Variants in SF3B6 observed in about 807,000 individuals in gnomAD.
The protein encoded by SF3B6 is splicing factor 3b subunit 6, also known as SF3b 14 kDa subunit.
A neutral mutation model predicts 15.9 loss-of-function variants in SF3B6; 3 were observed. The observed-to-expected ratio is 0.19, with a 90% CI of 0.09 to 0.49. SF3B6 has a LOEUF of 0.49. Ranked by LOEUF, SF3B6 falls within the 20% of genes least tolerant of loss-of-function variation. The probability of loss-of-function intolerance (pLI) is 0.97; values close to 1 mark genes in which losing one functional copy is unlikely to be tolerated. For synonymous variants in SF3B6, 49 were observed against 51.1 expected, an observed-to-expected ratio of 0.96 and a Z score of 0.18; for missense variants, 71 against 154.3, an observed-to-expected ratio of 0.46 and a Z score of 2.86.
intron 1 of SF3B6, among the ~76,000 whole-genome samples, chr2:24,075,795 T>A (rs1664733830): frequency 6.6e-6 from 1 of 152,066 alleles, no homozygotes; most frequent in South Asian, 2.1e-4. Flanking sequence ...ATTAATGTGT[T>A]AATGAAGGAT....
chr2:24,070,372 G>A (rs1439541367), intron 2 of SF3B6, among the ~76,000 whole-genome samples: 2 of 152,108 alleles, frequency 1.3e-5, no homozygotes, highest in African/African-American at 2.4e-5. Context: ...TCGAACTCCT[G>A]GCCTCAAGTG....
chr2:24,073,612 A>G (rs1664688949), intron 2 of SF3B6: 1 of 152,402 alleles, frequency 6.6e-6, no homozygotes, highest in South Asian at 2.1e-4. Flanking sequence ...GCTGTAGTTG[A>G]AAATATCATT....
rs752100572 is a variant in SF3B6 at position 24,068,449 on chromosome 2, G to A, written c.160C>T (p.Pro54Ser). 31 of 1,612,128 alleles carry A rather than the reference G, an allele frequency of 1.9e-5. No homozygotes were observed. Among genetic ancestry groups the A allele is most frequent in the Middle Eastern group, 3.3e-4 (2 of 6,072 alleles). The change falls in exon 3 of 4, where the codon CCT (proline) becomes TCT (serine). Residue 54 changes from proline (P) to serine (S), a missense_variant. Physicochemically the swap from Pro to Ser is moderately conservative, Grantham distance 74. This residue lies in a region of SF3B6 where 52 missense variants were observed against 113.2 expected (regional missense o/e 0.46). Coordinates refer to ENST00000233468, the MANE Select transcript of SF3B6 (RefSeq NM_016047.4). ...PIRQIRVGNT[P>S]ETRGTAYVVY... is the part of the protein sequence containing the mutation. ...ACATAAGCTGTTCCTCTAGTTTCAG[G>A]TGTGTTCCCCCTGGAGAGGTAAGTT...
Position 24,071,282 on chromosome 2 carries a change from C to T in SF3B6, c.149+2794G>A, listed in dbSNP as rs375818640. ...CTGGCATTACAGGCGTGAGCCACTG[C>T]GCCCAGCCCTGAAATAATTATAAAT... On this transcript the variant is annotated intron_variant, in intron 2 of 3. Transcript: ENST00000233468. Among the ~76,000 whole-genome samples the T allele has an allele frequency of 7.1e-3, 1,086 of 152,312 alleles. 8 individuals carry two copies. Among genetic ancestry groups the T allele is most frequent in the African/African-American group, 0.025 (1,047 of 41,574 alleles).
chr2:24,072,052 G>A (rs1011266991), intron 2 of SF3B6, among the ~76,000 whole-genome samples: 7 of 151,926 alleles, frequency 4.6e-5, no homozygotes, highest in East Asian at 1.9e-4. Flanking sequence ...GCATGATCTC[G>A]GCTCACTCAC....
chr2:24,067,873 A>G, intron 3 of SF3B6, 22 bp from the exon 4 acceptor site: 1 of 1,597,710 alleles, frequency 6.3e-7, no homozygotes, highest in African/African-American at 1.3e-5. Flanking sequence ...GTAAGCACCA[A>G]AATTAAATTA....
chr2:24,071,016 G>A (rs538502359), intron 2 of SF3B6, among the ~76,000 whole-genome samples: 14 of 151,790 alleles, frequency 9.2e-5, no homozygotes, highest in South Asian at 6.2e-4. Flanking sequence ...TTTTTGAGAC[G>A]GAGTCGCACT....
At chr2:24,074,289 C>A (rs1664699317) in intron 1 of SF3B6, 95 bp from the exon 2 acceptor site, 1 of 622,688 alleles carries the variant, frequency 1.6e-6, no homozygotes, top group Non-Finnish European at 2.8e-6. Flanking sequence ...TTAAAAAATT[C>A]TTAATGATAC....
intron 1 of SF3B6, among the ~76,000 whole-genome samples, chr2:24,074,634 C>T (rs1033346395): frequency 6.6e-6 from 1 of 152,206 alleles, no homozygotes; most frequent in African/African-American, 2.4e-5. Flanking sequence ...ATTCTTGTTT[C>T]TTGGAGAAAA....
rs752801238 is a variant in SF3B6, at chr2:24,067,789, A to G, written c.351T>C (p.Tyr117=). 1.9e-6 allele frequency: 3 copies of G among 1,614,070 alleles called. No individual in the cohort carries two copies. Among genetic ancestry groups the G allele is most frequent in the Non-Finnish European group, 2.5e-6 (3 of 1,179,954 alleles). Residue 117 remains tyrosine (Y), a synonymous_variant, in exon 4 of 4, where the codon TAT becomes TAC. Coordinates refer to ENST00000233468, the MANE Select transcript of SF3B6 (RefSeq NM_016047.4). ...ATTTTGGTGGATCTGTGTTGATGCC[A>G]TATTTCTCCTTGAGAAGCTTCAACT... ...EEQLKLLKEK[Y]GINTDPPK is the part of the protein sequence containing the mutation.
chr2:24,071,323 G>A (rs1057149805), intron 2 of SF3B6, among the ~76,000 whole-genome samples: 15 of 152,178 alleles, frequency 9.9e-5, no homozygotes, highest in Non-Finnish European at 5.9e-5. Context: ...GAAATGTTTC[G>A]GCTTGGCACG....
Position 24,074,131 on chromosome 2 carries a change from C to G in SF3B6, c.94G>C (p.Ala32Pro). 1 of 1,610,726 alleles carries G rather than the reference C, an allele frequency of 6.2e-7. No homozygotes were observed. The highest frequency in any genetic ancestry group is 1.1e-5 in the South Asian group (1 of 90,690). ...YIRNLPYKITAEEMYDIFGKY... is the reference protein window; with the variant it reads ...YIRNLPYKITPEEMYDIFGKY... ...CCAAATATATCATACATTTCTTCAG[C>G]TGTGATTTTGTATGGCAAATTTCTT... Residue 32 changes from alanine (A) to proline (P), a missense_variant, in exon 2 of 4, where the codon GCT becomes CCT. Coordinates refer to ENST00000233468, the MANE Select transcript of SF3B6 (RefSeq NM_016047.4).
intron 2 of SF3B6, among the ~76,000 whole-genome samples, chr2:24,071,021 C>T (rs10189443): frequency 0.12 from 18,136 of 151,868 alleles, 1,261 homozygotes; most frequent in South Asian, 0.18. Flanking sequence ...GAGACGGAGT[C>T]GCACTCTGTC....
rs1034577765 is a variant in SF3B6, at chr2:24,067,621, A to G, written c.*141T>C. The G allele has an allele frequency of 6.1e-6, 4 of 651,818 alleles. No individual in the cohort carries two copies. The highest frequency in any genetic ancestry group is 1.1e-5 in the Non-Finnish European group (4 of 379,114). The allele number at this position is 651,818 out of a possible 1,614,324, so 40.4% of individuals were successfully genotyped here. The stretch of plus-strand genomic sequence containing the variant: ...AGCTACAAGTTTATTAACATAATGT[A>G]TTCCAATATGTATCAAAGTTTCAAG... On this transcript the variant is annotated 3_prime_UTR_variant, in exon 4 of 4. Transcript: ENST00000233468.
rs555776338 is a variant in SF3B6, at chr2:24,070,439, T to G, written c.150-1980A>C. Reference sequence around the variant, plus strand: ...AATTTTCTTGACTGGCATTAAAATCTTAGAGTAGGAATAAGAACACCTAAG... The same window carrying G: ...AATTTTCTTGACTGGCATTAAAATCGTAGAGTAGGAATAAGAACACCTAAG... On this transcript the variant is annotated intron_variant, in intron 2 of 3. Transcript: ENST00000233468. 3.3e-4 allele frequency among the ~76,000 whole-genome samples: 51 copies of G among 152,296 alleles called. No homozygotes were observed. The South Asian group carries it at 0.011, about 32-fold the overall frequency.
chr2:24,075,958 G>A (rs1174757659), intron 1 of SF3B6, among the ~76,000 whole-genome samples: 7 of 151,952 alleles, frequency 4.6e-5, no homozygotes, highest in Non-Finnish European at 1.0e-4. Context: ...GAGGCTATAG[G>A]GGTAACACTA....
intron 2 of SF3B6, among the ~76,000 whole-genome samples, chr2:24,072,264 G>A (rs1254269579): frequency 6.6e-6 from 1 of 152,166 alleles, no homozygotes; most frequent in Non-Finnish European, 1.5e-5. Context: ...GGGATTACAG[G>A]TGTGAGCCAC....
chr2:24,070,811 T>C (rs1664641085), intron 2 of SF3B6, among the ~76,000 whole-genome samples: 1 of 152,138 alleles, frequency 6.6e-6, no homozygotes, highest in African/African-American at 2.4e-5. Flanking sequence ...TGTTTCTCAA[T>C]CTATAATTTA....
At position 24,067,720 on chromosome 2, in the gene SF3B6, G is replaced by A; in HGVS notation, c.*42C>T. On this transcript the variant is annotated 3_prime_UTR_variant, in exon 4 of 4. Transcript: ENST00000233468. The stretch of plus-strand genomic sequence containing the variant: ...TAAAAAGGAAAAAAAGGTGGTAGTT[G>A]TCATTCGTGGGATTTAGTCCAAATG... 6.7e-7 allele frequency: 1 copy of A among 1,501,272 alleles called. No individual in the cohort carries two copies. The highest frequency in any genetic ancestry group is 1.8e-5 in the Admixed American group (1 of 54,432). 93.0% of individuals were successfully genotyped at this position (1,501,272 alleles called of 1,614,324 possible).
Sources: gnomAD v4.1 joint callset for allele counts (sites outside exome capture counted in the v4.1 genomes callset) on GRCh38, gnomAD v4.1.1 for gene constraint, gnomAD v4.1.1 regional missense constraint, MANE v1.5 for transcripts, NCBI Gene and HGNC (gene_info 2026-07-23, HGNC 2026-07-21) for gene names.